Variants in FRMD6 observed in about 807,000 individuals in gnomAD.
FRMD6 encodes FERM domain-containing protein 6.
A neutral mutation model predicts 73.2 loss-of-function variants in FRMD6; 37 were observed. That is an observed-to-expected ratio of 0.51 (90% CI 0.39 to 0.66). The LOEUF is 0.66. FRMD6 is among the 30% of genes least tolerant of loss of function. The pLI is 0.00. For synonymous variants in FRMD6, 273 were observed against 282.2 expected (o/e 0.97, Z 0.33); for missense variants, 714 against 780.5 (o/e 0.91, Z 1.02).
intron 2 of FRMD6, among the ~76,000 whole-genome samples, chr14:51,621,333 G>A (rs527933835): frequency 6.6e-6 from 1 of 152,092 alleles, no homozygotes; most frequent in South Asian, 2.1e-4. Context: ...CTTCTCGTGG[G>A]GATGGAGCTT....
Position 51,601,933 on chromosome 14 carries a change from T to G in FRMD6, c.-147+31523T>G, listed in dbSNP as rs1566496225. ...AGTTGTTCTGCCTCCCTGATTAGAT[T>G]GTAAGCACCAGTAGATAAGTCATCT... On this transcript the variant is annotated intron_variant, in intron 2 of 14. Coordinates refer to the FRMD6 transcript ENST00000356218. 2.6e-5 allele frequency among the ~76,000 whole-genome samples: 4 copies of G among 152,358 alleles called. No individual in the cohort carries two copies. In the South Asian group the frequency reaches 8.3e-4, roughly 32 times the overall value.
At chr14:51,666,353 T>C (rs1427943326) in intron 1 of FRMD6, among the ~76,000 whole-genome samples, 1 of 152,254 alleles carries the variant, frequency 6.6e-6, no homozygotes, top group African/African-American at 2.4e-5. Flanking sequence ...AAATGTCTTA[T>C]CTTTTTATTC....
chr14:51,712,857 G>C (rs944405104), intron 9 of FRMD6, among the ~76,000 whole-genome samples: 2 of 152,148 alleles, frequency 1.3e-5, no homozygotes, highest in Admixed American at 1.3e-4. Context: ...AGTTATTCTA[G>C]TTGCAGAAGG....
upstream of FRMD6, among the ~76,000 whole-genome samples, chr14:51,486,356 GTGGGAGTC>G: frequency 6.6e-6 from 1 of 152,236 alleles, no homozygotes; most frequent in African/African-American, 2.4e-5. Flanking sequence ...CACTTTCTTT[GTGGGAGTC>G]TGATGGACTG....
chr14:51,689,453 G>A (rs1303236104), intron 1 of FRMD6, among the ~76,000 whole-genome samples: 2 of 152,198 alleles, frequency 1.3e-5, no homozygotes, highest in Admixed American at 1.3e-4. Context: ...CCTTGAATGT[G>A]TGAGGCTCTC....
intron 1 of FRMD6, among the ~76,000 whole-genome samples, chr14:51,683,540 C>T (rs181966434): frequency 1.3e-5 from 2 of 152,168 alleles, no homozygotes; most frequent in Admixed American, 1.3e-4. Context: ...TTTCCTGCCT[C>T]AGCCTCTCAA....
At chr14:51,398,970 G>A in the FRMD6 span, among the ~76,000 whole-genome samples, 5 of 152,050 alleles carry the variant, frequency 3.3e-5, no homozygotes, top group Non-Finnish European at 5.9e-5. Flanking sequence ...CTCCAGGATC[G>A]GGCCCTAGCC....
intron 1 of FRMD6, among the ~76,000 whole-genome samples, chr14:51,490,238 C>T (rs1003397838): frequency 6.6e-6 from 1 of 152,212 alleles, no homozygotes; most frequent in Non-Finnish European, 1.5e-5. Flanking sequence ...AAAAAACAGA[C>T]TAAGTTTGTG....
At chr14:51,525,064 A>AG (rs1885158503) in intron 1 of FRMD6, among the ~76,000 whole-genome samples, 1 of 90,378 alleles carries the variant, frequency 1.1e-5, no homozygotes, top group Non-Finnish European at 2.2e-5. Flanking sequence ...AGAGACAGAC[A>AG]AATAGAATAG....
intron 1 of FRMD6, among the ~76,000 whole-genome samples, chr14:51,494,415 A>AAGG (rs1883180357): frequency 6.6e-6 from 1 of 152,256 alleles, no homozygotes; most frequent in Non-Finnish European, 1.5e-5. Context: ...GGGAAGAAGA[A>AAGG]AGGAGTAACT....
intron 1 of FRMD6, among the ~76,000 whole-genome samples, chr14:51,510,300 A>G (rs1884223921): frequency 6.6e-6 from 1 of 152,208 alleles, no homozygotes; most frequent in Admixed American, 6.5e-5. Flanking sequence ...AGGAGGGAGT[A>G]GCAGACCCAG....
At chr14:51,512,201 G>A (rs1884350463) in intron 1 of FRMD6, among the ~76,000 whole-genome samples, 1 of 152,030 alleles carries the variant, frequency 6.6e-6, no homozygotes, top group African/African-American at 2.4e-5. Flanking sequence ...AGTGGTGGAT[G>A]GATAATAGTT....
intron 1 of FRMD6, among the ~76,000 whole-genome samples, chr14:51,512,951 C>T (rs1277161931): frequency 6.6e-6 from 1 of 152,186 alleles, no homozygotes. Flanking sequence ...CTCAAGGGCA[C>T]TCCTTCCCAG....
At chr14:51,629,731 G>C (rs1265618246) in intron 2 of FRMD6, among the ~76,000 whole-genome samples, 1 of 152,202 alleles carries the variant, frequency 6.6e-6, no homozygotes, top group Non-Finnish European at 1.5e-5. Flanking sequence ...GCTCTGTGCT[G>C]ACTAGCAGTT....
chr14:51,422,093 G>A, the FRMD6 span, among the ~76,000 whole-genome samples: 1 of 152,078 alleles, frequency 6.6e-6, no homozygotes, highest in Admixed American at 6.5e-5. Context: ...TTTTATAACA[G>A]CTTTATTGAG....
At chr14:51,620,443 A>G (rs1325176315) in intron 2 of FRMD6, among the ~76,000 whole-genome samples, 1 of 152,136 alleles carries the variant, frequency 6.6e-6, no homozygotes, top group Non-Finnish European at 1.5e-5. Flanking sequence ...TGAAGGGCAG[A>G]GGGGTGATGA....
At chr14:51,430,612 AC>A in the FRMD6 span, among the ~76,000 whole-genome samples, 19 of 151,752 alleles carry the variant, frequency 1.3e-4, no homozygotes, top group African/African-American at 4.1e-4. Flanking sequence ...AAAAAAAAAA[AC>A]AAAAAACAAC....
intron 1 of FRMD6, among the ~76,000 whole-genome samples, chr14:51,671,210 A>G (rs1893980992): frequency 6.6e-6 from 1 of 152,078 alleles, no homozygotes; most frequent in Non-Finnish European, 1.5e-5. Context: ...CATTTAAAAC[A>G]TTTTCTTATA....
At chr14:51,494,526 A>G (rs1883187106) in intron 1 of FRMD6, among the ~76,000 whole-genome samples, 1 of 152,240 alleles carries the variant, frequency 6.6e-6, no homozygotes, top group South Asian at 2.1e-4. Flanking sequence ...TTCTGGATCC[A>G]CTGGAGTGGC....
Sources: gnomAD v4.1 joint callset for allele counts (sites outside exome capture counted in the v4.1 genomes callset) on GRCh38, gnomAD v4.1.1 for gene constraint, MANE v1.5 for transcripts, NCBI Gene and HGNC (gene_info 2026-07-23, HGNC 2026-07-21) for gene names.